Variants in SUMF1 observed in about 807,000 individuals in gnomAD.
SUMF1 encodes sulfatase modifying factor 1.
Under a neutral mutation model 47.6 loss-of-function variants are expected in SUMF1, and 48 were observed. The ratio of observed to expected loss-of-function variants is 1.01; its 90% CI spans 0.80 to 1.28. The LOEUF is 1.28. Ranked by LOEUF, SUMF1 falls within the 50% of genes most tolerant of loss-of-function variation. The pLI, the probability that SUMF1 is intolerant of heterozygous loss-of-function variation, is 0.00. For missense variants in SUMF1, 571 were observed against 485.4 expected (o/e 1.18, Z -1.66); for synonymous variants, 230 against 192.1 (o/e 1.20, Z -1.63).
At chr3:4,256,506 G>C (rs1414621961) in intron 8 of SUMF1, among the ~76,000 whole-genome samples, 5 of 146,138 alleles carry the variant, frequency 3.4e-5, no homozygotes, top group Admixed American at 6.8e-5. Flanking sequence ...AAATAAACTA[G>C]AAAATCTAGA....
chr3:4,155,432 T>C (rs1024518545), intron 8 of SUMF1, among the ~76,000 whole-genome samples: 19 of 151,560 alleles, frequency 1.3e-4, no homozygotes, highest in Non-Finnish European at 2.4e-4. Context: ...AGGCATGCGA[T>C]GTTCTCATGT....
intron 8 of SUMF1, among the ~76,000 whole-genome samples, chr3:4,247,691 T>C (rs887934053): frequency 4.6e-5 from 7 of 152,110 alleles, no homozygotes; most frequent in African/African-American, 1.7e-4. Flanking sequence ...AATTTCAATA[T>C]AGACAGAGGG....
chr3:4,131,923 G>A (rs1693800503), intron 8 of SUMF1, among the ~76,000 whole-genome samples: 1 of 152,050 alleles, frequency 6.6e-6, no homozygotes, highest in African/African-American at 2.4e-5. Flanking sequence ...GGTTACACAT[G>A]GGCTCAGCAA....
chr3:4,182,059 T>A (rs1476746245), intron 8 of SUMF1, among the ~76,000 whole-genome samples: 1 of 152,184 alleles, frequency 6.6e-6, no homozygotes, highest in Non-Finnish European at 1.5e-5. Context: ...TGATAGAGAT[T>A]CTATTTACAT....
chr3:4,082,565 T>G (rs1230778509), intron 8 of SUMF1, among the ~76,000 whole-genome samples: 2 of 152,114 alleles, frequency 1.3e-5, no homozygotes, highest in African/African-American at 2.4e-5. Context: ...AGATTTACTC[T>G]GGCAACAACC....
chr3:4,041,022 GC>G (rs1694899478), intron 9 of SUMF1, among the ~76,000 whole-genome samples: 1 of 152,136 alleles, frequency 6.6e-6, no homozygotes, highest in Non-Finnish European at 1.5e-5. Flanking sequence ...CCCAAAGAGT[GC>G]CTTCCTCCTG....
intron 8 of SUMF1, chr3:4,303,220 A>G (rs1575066276): frequency 2.7e-6 from 2 of 747,216 alleles, no homozygotes; most frequent in Non-Finnish European, 2.0e-6. Flanking sequence ...CAGACCCAAA[A>G]AGTCAAGGAA....
chr3:4,459,988 G>A (rs1197580364), intron 1 of SUMF1, among the ~76,000 whole-genome samples: 1 of 152,032 alleles, frequency 6.6e-6, no homozygotes, highest in African/African-American at 2.4e-5. Flanking sequence ...GTAAATTGTG[G>A]GCCTTCAATA....
At chr3:4,229,601 A>T (rs958500160) in intron 8 of SUMF1, among the ~76,000 whole-genome samples, 9 of 152,170 alleles carry the variant, frequency 5.9e-5, no homozygotes, top group Non-Finnish European at 1.2e-4. Context: ...CACAGTAAAC[A>T]TTTAATAAAT....
At chr3:4,144,612 G>C (rs1337898202) in intron 8 of SUMF1, among the ~76,000 whole-genome samples, 5 of 152,068 alleles carry the variant, frequency 3.3e-5, no homozygotes, top group African/African-American at 2.4e-5. Flanking sequence ...TAATGGGAAA[G>C]GTTAATGCCT....
chr3:4,111,411 A>C (rs1693303532), intron 8 of SUMF1, among the ~76,000 whole-genome samples: 3 of 152,038 alleles, frequency 2.0e-5, no homozygotes, highest in Admixed American at 2.0e-4. Flanking sequence ...TGAGGGTAAG[A>C]ATTATCTCAT....
rs1476259515 is a variant in SUMF1, at chr3:4,333,111, T to G, written c.1014+43219A>C. On this transcript the variant is annotated intron_variant and NMD_transcript_variant, in intron 8 of 12. Coordinates refer to the SUMF1 transcript ENST00000448413. ...CCCCACATTCACCATCCTTCAAGTT[T>G]GTGTGTGACCTGATTCTTCCAGGAC... Among the ~76,000 whole-genome samples, 4 of 152,182 alleles carry G rather than the reference T, an allele frequency of 2.6e-5. No individual in the cohort carries two copies. In the East Asian group the frequency reaches 5.8e-4, roughly 22 times the overall value.
rs775879406 is a variant in SUMF1 at position 4,467,178 on chromosome 3, A to T, written c.68T>A (p.Leu23Gln). Residue 23 changes from leucine (L) to glutamine (Q), a missense_variant, in exon 1 of 9, where the codon CTG (leucine) becomes CAG (glutamine). Transcript: ENST00000272902. ...CPELGLVLLL[L>Q]LLSLLCGAAG... ...CGCTCCACACAGCAGCGAGAGCAGCAGCAGCAAGAGGACGAGACCCAGCTC... is the reference window on the plus strand; with the variant it reads ...CGCTCCACACAGCAGCGAGAGCAGCTGCAGCAAGAGGACGAGACCCAGCTC... The T allele has an allele frequency of 8.1e-6, 13 of 1,609,468 alleles. No homozygotes were observed. Among genetic ancestry groups the T allele is most frequent in the Non-Finnish European group, 1.1e-5 (13 of 1,178,572 alleles).
chr3:4,038,330 G>T (rs919970109), intron 9 of SUMF1, among the ~76,000 whole-genome samples: 49 of 152,230 alleles, frequency 3.2e-4, no homozygotes, highest in African/African-American at 1.1e-3. Flanking sequence ...TGGGTGATGG[G>T]GTGGAGTCTG....
At chr3:4,072,620 A>C (rs1695556901) in intron 8 of SUMF1, among the ~76,000 whole-genome samples, 1 of 152,178 alleles carries the variant, frequency 6.6e-6, no homozygotes, top group Non-Finnish European at 1.5e-5. Context: ...TAGAATAACC[A>C]GCGTAGAGTA....
chr3:4,446,502 A>G (rs760715916), intron 3 of SUMF1, among the ~76,000 whole-genome samples: 1 of 152,236 alleles, frequency 6.6e-6, no homozygotes, highest in African/African-American at 2.4e-5. Context: ...TAGCAGCACG[A>G]GAAGAGACTA....
At chr3:4,242,638 G>A (rs1308527190) in intron 8 of SUMF1, among the ~76,000 whole-genome samples, 1 of 152,120 alleles carries the variant, frequency 6.6e-6, no homozygotes, top group Non-Finnish European at 1.5e-5. Flanking sequence ...TGATCATGGT[G>A]GATAAGCTTT....
chr3:4,308,050 G>A (rs77596407), intron 8 of SUMF1, among the ~76,000 whole-genome samples: 1,879 of 151,948 alleles, frequency 0.012, 20 homozygotes, highest in African/African-American at 0.038. Flanking sequence ...CCCATTCTCC[G>A]TGTCCTTTAT....
chr3:4,297,142 C>A lies in SUMF1; in HGVS notation c.1014+79188G>T, dbSNP rs190822049. 1.6e-4 allele frequency among the ~76,000 whole-genome samples: 24 copies of A among 152,240 alleles called. No homozygotes were observed. The East Asian group carries it at 4.4e-3, about 28-fold the overall frequency. Reference sequence around the variant, plus strand: ...TGTCCTAGATTGAAAAAGGTGTGCACCTGTAAGCTAAAAACTTGGGCCGAG... The same window carrying A: ...TGTCCTAGATTGAAAAAGGTGTGCAACTGTAAGCTAAAAACTTGGGCCGAG... On this transcript the variant is annotated intron_variant and NMD_transcript_variant, in intron 8 of 12. Coordinates refer to the SUMF1 transcript ENST00000448413.
Sources: gnomAD v4.1 joint callset for allele counts (sites outside exome capture counted in the v4.1 genomes callset) on GRCh38, gnomAD v4.1.1 for gene constraint, MANE v1.5 for transcripts, NCBI Gene and HGNC (gene_info 2026-07-23, HGNC 2026-07-21) for gene names.